FAT3: variants seen among roughly 807,000 people sequenced by gnomAD.
FAT3 encodes FAT atypical cadherin 3.
A neutral mutation model predicts 310.2 loss-of-function variants in FAT3; 95 were observed. The observed-to-expected ratio is 0.31, with a 90% CI of 0.26 to 0.36. The LOEUF is 0.36. Ranked by LOEUF, FAT3 falls within the 10% of genes least tolerant of loss-of-function variation. FAT3 has a pLI of 1.00. For missense variants in FAT3, 5,408 were observed against 5,715.6 expected (o/e 0.95, Z 1.74); for synonymous variants, 2,314 against 2,192.9 (o/e 1.06, Z -1.54).
chr11:92,239,839 C>A (rs1017402483), intron 1 of FAT3, among the ~76,000 whole-genome samples: 1 of 152,040 alleles, frequency 6.6e-6, no homozygotes, highest in Non-Finnish European at 1.5e-5. Context: ...TCACAATTAC[C>A]CTCTGGCTTT....
intron 1 of FAT3, among the ~76,000 whole-genome samples, chr11:92,333,382 C>T (rs576305620): frequency 2.0e-5 from 3 of 152,274 alleles, no homozygotes; most frequent in Non-Finnish European, 4.4e-5. Context: ...CTCTGACTTA[C>T]CCTGGAATCA....
At chr11:92,584,417 A>T (rs1939019305) in intron 3 of FAT3, among the ~76,000 whole-genome samples, 1 of 152,038 alleles carries the variant, frequency 6.6e-6, no homozygotes, top group Non-Finnish European at 1.5e-5. Flanking sequence ...AAAGCTTTTG[A>T]GTTGGCATTT....
At chr11:92,750,555 A>T (rs1945802627) in intron 4 of FAT3, among the ~76,000 whole-genome samples, 1 of 152,290 alleles carries the variant, frequency 6.6e-6, no homozygotes, top group Admixed American at 6.5e-5. Flanking sequence ...CAGATCAGTC[A>T]TTTCGAAGTT....
chr11:92,570,443 G>A (rs1955632224), intron 3 of FAT3, among the ~76,000 whole-genome samples: 1 of 152,136 alleles, frequency 6.6e-6, no homozygotes, highest in South Asian at 2.1e-4. Context: ...TGTTCATGAA[G>A]TTTTGATTAT....
chr11:92,428,053 C>G (rs1187544171), intron 2 of FAT3, among the ~76,000 whole-genome samples: 1 of 151,824 alleles, frequency 6.6e-6, no homozygotes, highest in East Asian at 1.9e-4. Context: ...AATTTCAGAA[C>G]TTGTTATTTG....
intron 1 of FAT3, among the ~76,000 whole-genome samples, chr11:92,335,426 G>T (rs1314757414): frequency 6.6e-6 from 1 of 151,994 alleles, no homozygotes; most frequent in Non-Finnish European, 1.5e-5. Context: ...CATGTCCTTG[G>T]GTTTAAGTGA....
At position 92,726,864 on chromosome 11, in the gene FAT3, G is replaced by A. The variant is rs74908830; in HGVS notation, c.3669+29419G>A. On this transcript the variant is annotated intron_variant, in intron 4 of 27. Transcript: ENST00000525166. ...CAAAAACTGTCCAAAACAATGGAAA[G>A]GAAATAAGCAATGGAAAGGAAATAA... Among the ~76,000 whole-genome samples the A allele has an allele frequency of 1.8e-3, 280 of 151,500 alleles. 1 individual carries two copies. The highest frequency in any genetic ancestry group is 6.5e-3 in the African/African-American group (268 of 41,278).
At chr11:92,306,305 C>A (rs1445030318) in intron 1 of FAT3, among the ~76,000 whole-genome samples, 1 of 150,738 alleles carries the variant, frequency 6.6e-6, no homozygotes, top group Admixed American at 6.7e-5. Flanking sequence ...AATATATTCA[C>A]AAATCTACTG....
intron 13 of FAT3, among the ~76,000 whole-genome samples, chr11:92,828,437 G>A (rs1257136253): frequency 6.6e-6 from 1 of 152,140 alleles, no homozygotes; most frequent in Non-Finnish European, 1.5e-5. Context: ...CCTAAGTGAT[G>A]CCATTTAGCA....
At chr11:92,244,636 T>C (rs1864822203) in intron 1 of FAT3, among the ~76,000 whole-genome samples, 1 of 152,130 alleles carries the variant, frequency 6.6e-6, no homozygotes, top group Non-Finnish European at 1.5e-5. Context: ...TCTCAAACTT[T>C]AATGAGCATC....
At chr11:92,323,513 A>G (rs1215938394) in intron 1 of FAT3, among the ~76,000 whole-genome samples, 1 of 152,038 alleles carries the variant, frequency 6.6e-6, no homozygotes, top group Non-Finnish European at 1.5e-5. Context: ...TTGACCTCCA[A>G]AAGTACTGGG....
At chr11:92,583,183 G>A (rs950364307) in intron 3 of FAT3, among the ~76,000 whole-genome samples, 3 of 151,858 alleles carry the variant, frequency 2.0e-5, no homozygotes, top group African/African-American at 7.3e-5. Context: ...GATCTAATTA[G>A]CATTACACAG....
intron 4 of FAT3, among the ~76,000 whole-genome samples, chr11:92,702,210 A>T (rs574813350): frequency 1.3e-5 from 2 of 152,158 alleles, no homozygotes; most frequent in Non-Finnish European, 2.9e-5. Context: ...AATGGTAGCC[A>T]TGGTCAGCAT....
At chr11:92,676,857 T>C (rs1369898673) in intron 3 of FAT3, among the ~76,000 whole-genome samples, 2 of 152,252 alleles carry the variant, frequency 1.3e-5, no homozygotes, top group Non-Finnish European at 2.9e-5. Flanking sequence ...CTCTCATTTA[T>C]ATCCATTCTC....
rs1371147047 is a variant in FAT3, at chr11:92,882,934, G to A, written c.12478G>A (p.Val4160Met). ...VGKEELIGIA[V>M]VLFVIFILVV... ...GAAGGAGGAGCTCATCGGCATCGCC[G>A]TGGTCCTCTTCGTCATCTTCATCCT... The change falls in exon 24 of 28, where the codon GTG becomes ATG. Residue 4160 changes from valine (V) to methionine (M), a missense_variant. Val to Met is a conservative substitution (Grantham distance 21). This residue lies in a region of FAT3 where 649 missense variants were observed against 666.2 expected (regional missense o/e 0.97). Transcript: ENST00000525166. 3.7e-6 allele frequency: 6 copies of A among 1,613,366 alleles called. No homozygotes were observed. The highest frequency in any genetic ancestry group is 2.2e-5 in the East Asian group (1 of 44,852).
Position 92,890,680 on chromosome 11 carries a change from T to C in FAT3, c.13337T>C (p.Leu4446Ser), listed in dbSNP as rs2136444886. Reference sequence around the variant, plus strand: ...CCACCCCCTCATGAAGAGGAGTTCTTGAGTCAGGACCAGCTGCCTCCTCCT... The same window carrying C: ...CCACCCCCTCATGAAGAGGAGTTCTCGAGTCAGGACCAGCTGCCTCCTCCT... ...EYPPPHEEEF[L>S]SQDQLPPPLP... Residue 4446 changes from leucine to serine, a missense_variant, in exon 28 of 28, where the codon TTG (leucine) becomes TCG (serine). By Grantham distance (145) the Leu-to-Ser change is moderately radical. Transcript: ENST00000525166. 1.9e-6 allele frequency: 3 copies of C among 1,613,776 alleles called. No individual in the cohort carries two copies. Among genetic ancestry groups the C allele is most frequent in the Non-Finnish European group, 2.5e-6 (3 of 1,179,836 alleles).
At chr11:92,820,513 G>A (rs1793202346) in intron 13 of FAT3, among the ~76,000 whole-genome samples, 1 of 152,262 alleles carries the variant, frequency 6.6e-6, no homozygotes, top group East Asian at 1.9e-4. Context: ...CCTACTGTCT[G>A]TGGGATCACT....
rs879398656 is a variant in FAT3 at position 92,320,871 on chromosome 11, A to AG, written c.-17-31225_-17-31224insG. Among the ~76,000 whole-genome samples the AG allele has an allele frequency of 1.3e-3, 167 of 130,296 alleles. 1 individual carries two copies. The highest frequency in any genetic ancestry group is 2.0e-3 in the Non-Finnish European group (127 of 63,798). 85.5% of individuals were successfully genotyped at this position (130,296 alleles called of 152,430 possible). The stretch of plus-strand genomic sequence containing the variant: ...GGCAATGGAGCGAAACTCCATCTCA[A>AG]AAAAAAAAAGGGGGGGGTACTTATT... On this transcript the variant is annotated intron_variant, in intron 1 of 27. Coordinates refer to ENST00000525166, the MANE Select transcript of FAT3 (RefSeq NM_001367949.2).
At chr11:92,366,992 G>A (rs1204446248) in intron 2 of FAT3, 1 of 521,754 alleles carries the variant, frequency 1.9e-6, no homozygotes, top group Non-Finnish European at 3.8e-6. Flanking sequence ...CCCTTATTGA[G>A]GTGTCAAGTC....
Sources: allele counts gnomAD v4.1 joint callset (sites outside exome capture counted in the v4.1 genomes callset), GRCh38; gene constraint gnomAD v4.1.1; regional missense constraint gnomAD v4.1.1; transcripts MANE v1.5; gene names NCBI Gene and HGNC (gene_info 2026-07-23, HGNC 2026-07-21).